The following PLCB1 variants were observed in gnomAD, a reference collection of about 807,000 sequenced individuals.
PLCB1 encodes the protein 1-phosphatidylinositol 4,5-bisphosphate phosphodiesterase beta-1.
PLCB1 carries 46 observed loss-of-function variants against 161.8 expected under a neutral mutation model. The ratio of observed to expected loss-of-function variants is 0.28; its 90% CI spans 0.22 to 0.36. The LOEUF is 0.36. PLCB1 is among the 10% of genes least tolerant of loss of function. The pLI is 1.00. For synonymous variants in PLCB1, 517 were observed against 503.7 expected, an observed-to-expected ratio of 1.03 and a Z score of -0.35; for missense variants, 1,016 against 1,472.5, an observed-to-expected ratio of 0.69 and a Z score of 5.07.
At chr20:8,200,357 G>A (rs2052080140) in intron 2 of PLCB1, among the ~76,000 whole-genome samples, 1 of 151,934 alleles carries the variant, frequency 6.6e-6, no homozygotes, top group South Asian at 2.1e-4. Context: ...TCTACCTGGA[G>A]TCAATTTCTA....
At chr20:8,301,309 G>A (rs545966472) in intron 2 of PLCB1, among the ~76,000 whole-genome samples, 2 of 152,236 alleles carry the variant, frequency 1.3e-5, no homozygotes, top group East Asian at 3.9e-4. Context: ...GCTGAATTTG[G>A]CACCTCATAA....
At chr20:8,147,872 G>GTTTTT (rs559136150) in intron 1 of PLCB1, among the ~76,000 whole-genome samples, 5 of 130,466 alleles carry the variant, frequency 3.8e-5, no homozygotes, top group Non-Finnish European at 4.8e-5. Flanking sequence ...ATTTTGAAAA[G>GTTTTT]TTTTTTTTTT....
At chr20:8,178,164 G>A (rs2051802392) in intron 2 of PLCB1, among the ~76,000 whole-genome samples, 1 of 152,150 alleles carries the variant, frequency 6.6e-6, no homozygotes, top group Admixed American at 6.5e-5. Context: ...ACATACATGT[G>A]CATATGTCTT....
chr20:8,584,483 G>GACACACACAC (rs61008784), intron 3 of PLCB1, among the ~76,000 whole-genome samples: 15,411 of 147,652 alleles, frequency 0.1, 986 homozygotes, highest in East Asian at 0.26. Flanking sequence ...CACACACACA[G>GACACACACAC]ACACACACAC....
intron 31 of PLCB1, among the ~76,000 whole-genome samples, chr20:8,830,718 A>G (rs1985940411): frequency 6.6e-6 from 1 of 152,092 alleles, no homozygotes; most frequent in Non-Finnish European, 1.5e-5. Context: ...CCTACTGAAT[A>G]TGAGTCTCCA....
chr20:8,671,934 T>A (rs1442804186), intron 9 of PLCB1, among the ~76,000 whole-genome samples: 1 of 152,238 alleles, frequency 6.6e-6, no homozygotes, highest in African/African-American at 2.4e-5. Context: ...AAAATGGTAA[T>A]TTAAAAGTAC....
chr20:8,838,100 A>C (rs953266250), intron 31 of PLCB1, among the ~76,000 whole-genome samples: 2 of 152,126 alleles, frequency 1.3e-5, no homozygotes, highest in Non-Finnish European at 2.9e-5. Context: ...TATTACCTGA[A>C]TCATGAAAGC....
At chr20:8,724,882 C>T in intron 16 of PLCB1, 130 bp downstream of exon 16, 1 of 600,764 alleles carries the variant, frequency 1.7e-6, no homozygotes, top group Non-Finnish European at 2.9e-6. Flanking sequence ...AATATATGTA[C>T]ATTTTGACTG....
chr20:8,823,157 C>G (rs1985517885), intron 31 of PLCB1, among the ~76,000 whole-genome samples: 1 of 152,202 alleles, frequency 6.6e-6, no homozygotes, highest in African/African-American at 2.4e-5. Flanking sequence ...GAGTCTTGCT[C>G]TGTCACCCGG....
chr20:8,240,996 G>C (rs2179137), intron 2 of PLCB1, among the ~76,000 whole-genome samples: 11 of 151,660 alleles, frequency 7.3e-5, no homozygotes, highest in Middle Eastern at 3.2e-3. Context: ...GGAAACTATG[G>C]TGAACACGAG....
chr20:8,758,794 C>T (rs944151116), intron 24 of PLCB1, among the ~76,000 whole-genome samples: 1 of 152,016 alleles, frequency 6.6e-6, no homozygotes, highest in Non-Finnish European at 1.5e-5. Flanking sequence ...ATTTTTTTAA[C>T]TTGATATTTT....
intron 26 of PLCB1, among the ~76,000 whole-genome samples, chr20:8,769,947 C>CT (rs938856489): frequency 2.5e-4 from 37 of 148,174 alleles, no homozygotes; most frequent in Admixed American, 8.1e-4. Flanking sequence ...AAAATCATCT[C>CT]TTTTTTTTTT....
intron 4 of PLCB1, among the ~76,000 whole-genome samples, chr20:8,640,084 G>A (rs1292440113): frequency 1.3e-5 from 2 of 151,914 alleles, no homozygotes; most frequent in East Asian, 3.9e-4. Flanking sequence ...CTTGCAAAAA[G>A]GTTTAAAATA....
At chr20:8,441,333 G>C (rs941790638) in intron 3 of PLCB1, among the ~76,000 whole-genome samples, 3 of 152,150 alleles carry the variant, frequency 2.0e-5, no homozygotes, top group Admixed American at 2.0e-4. Flanking sequence ...CTTGATACCA[G>C]ACTGTCAGCC....
chr20:8,553,488 A>T (rs1447449502), intron 3 of PLCB1, among the ~76,000 whole-genome samples: 2 of 152,146 alleles, frequency 1.3e-5, no homozygotes, highest in Non-Finnish European at 2.9e-5. Context: ...TTTATTTTTT[A>T]AAAATAGATT....
intron 2 of PLCB1, among the ~76,000 whole-genome samples, chr20:8,283,361 C>T (rs1982967258): frequency 6.6e-6 from 1 of 151,884 alleles, no homozygotes. Context: ...AAATTCAAAA[C>T]CTAAAGATAC....
intron 11 of PLCB1, among the ~76,000 whole-genome samples, chr20:8,702,955 G>A (rs1332904706): frequency 6.6e-6 from 1 of 152,112 alleles, no homozygotes; most frequent in Non-Finnish European, 1.5e-5. Context: ...TTAATAATTG[G>A]AAAATTTTCC....
At chr20:8,472,311 T>C (rs1982090704) in intron 3 of PLCB1, among the ~76,000 whole-genome samples, 1 of 152,210 alleles carries the variant, frequency 6.6e-6, no homozygotes, top group South Asian at 2.1e-4. Context: ...CTTTTCATTT[T>C]ATTTATTTGC....
chr20:8,756,959 T>C, intron 23 of PLCB1, 87 bp from the exon 24 acceptor site: 3 of 1,207,030 alleles, frequency 2.5e-6, no homozygotes, highest in Non-Finnish European at 3.5e-6. Context: ...ATTGTGAAGA[T>C]GCTATAAAAT....
Sources: gnomAD v4.1 joint callset for allele counts (sites outside exome capture counted in the v4.1 genomes callset) on GRCh38, gnomAD v4.1.1 for gene constraint, MANE v1.5 for transcripts, NCBI Gene and HGNC (gene_info 2026-07-23, HGNC 2026-07-21) for gene names.